Variants in COBLL1 observed in about 807,000 individuals in gnomAD.
The protein encoded by COBLL1 is cordon-bleu WH2 repeat protein like 1, also known as cordon-bleu protein-like 1.
Under a neutral mutation model 94.8 loss-of-function variants are expected in COBLL1, and 50 were observed. The observed-to-expected ratio is 0.53, with a 90% confidence interval of 0.42 to 0.67. The LOEUF (loss-of-function observed/expected upper bound fraction) is 0.67. COBLL1 is among the 30% of genes least tolerant of loss of function. The pLI, the probability that COBLL1 is intolerant of heterozygous loss-of-function variation, is 0.00. For missense variants in COBLL1, 1,362 were observed against 1,348.7 expected (o/e 1.01, Z -0.15); for synonymous variants, 448 against 473.8 (o/e 0.95, Z 0.71).
chr2:164,837,482 T>A (rs1475650024), intron 2 of COBLL1: 1 of 464,050 alleles, frequency 2.2e-6, no homozygotes, highest in Non-Finnish European at 4.5e-6. Context: ...AACCAGTGTC[T>A]CCAACATTTT....
intron 2 of COBLL1, among the ~76,000 whole-genome samples, chr2:164,811,288 G>T (rs1234377913): frequency 6.6e-6 from 1 of 151,896 alleles, no homozygotes; most frequent in African/African-American, 2.4e-5. Context: ...ATGGTGTTTG[G>T]AATTGTTCTA....
intron 11 of COBLL1, 135 bp from the exon 12 acceptor site, chr2:164,695,971 G>A: frequency 1.5e-6 from 1 of 686,948 alleles, no homozygotes; most frequent in East Asian, 2.8e-5. Context: ...ACTATATAAA[G>A]GTAGGTAGTA....
chr2:164,837,599 C>A (rs550569181), intron 2 of COBLL1: 7 of 400,064 alleles, frequency 1.7e-5, no homozygotes, highest in Non-Finnish European at 3.5e-5. Flanking sequence ...GTAAGTTAAA[C>A]CAGTCAACTT....
At chr2:164,745,172 A>G (rs1686802684) in intron 2 of COBLL1, among the ~76,000 whole-genome samples, 1 of 152,176 alleles carries the variant, frequency 6.6e-6, no homozygotes, top group Non-Finnish European at 1.5e-5. Flanking sequence ...CGGTATTTTC[A>G]AAATTTAAGG....
chr2:164,721,294 T>C (rs1685430332), intron 7 of COBLL1, among the ~76,000 whole-genome samples: 1 of 152,190 alleles, frequency 6.6e-6, no homozygotes, highest in Admixed American at 6.5e-5. Flanking sequence ...TCATTCTTTC[T>C]GATTACCAGC....
rs1683903346 is a variant in COBLL1 at position 164,695,664 on chromosome 2, G to A, written c.1728C>T (p.Tyr576=). The A allele has an allele frequency of 6.2e-7, 1 of 1,613,798 alleles. No homozygotes were observed. ...ATGAAGCTGCTAGATGGTTTTCCTT[G>A]TAACTTATAGCAGTATCAGTTTCAT... is the stretch of plus-strand genomic sequence containing the variant. ...EAHETDTAIS[Y]KENHLAASSV... is the part of the protein sequence containing the mutation. Residue 576 remains tyrosine (Y), a synonymous_variant, in exon 12 of 14, where the codon TAC becomes TAT. Coordinates refer to ENST00000652658, the MANE Select transcript of COBLL1 (RefSeq NM_001365672.2).
At position 164,695,078 on chromosome 2, in the gene COBLL1, T is replaced by A; in HGVS notation, c.2314A>T (p.Asn772Tyr). ...HALGKKHTHE[N>Y]VKETAIQTED... ...GTTTGGATGGCAGTTTCTTTCACATTCTCATGAGTGTGCTTTTTCCCTAAA... is the reference window on the plus strand; with the variant it reads ...GTTTGGATGGCAGTTTCTTTCACATACTCATGAGTGTGCTTTTTCCCTAAA... The change falls in exon 12 of 14, where the codon AAT becomes TAT. Residue 772 changes from asparagine (N) to tyrosine (Y), a missense_variant. Physicochemically the swap from Asn to Tyr is moderately radical, Grantham distance 143. Coordinates refer to ENST00000652658, the MANE Select transcript of COBLL1 (RefSeq NM_001365672.2). The A allele has an allele frequency of 6.2e-7, 1 of 1,613,896 alleles. No homozygotes were observed. The highest frequency in any genetic ancestry group is 2.2e-5 in the East Asian group (1 of 44,868).
intron 3 of COBLL1, among the ~76,000 whole-genome samples, chr2:164,733,093 T>C (rs1686105934): frequency 6.6e-6 from 1 of 152,292 alleles, no homozygotes; most frequent in South Asian, 2.1e-4. Context: ...CAAAAAATTA[T>C]TAAAGTTTTG....
chr2:164,742,269 A>G (rs1327651426), intron 3 of COBLL1, among the ~76,000 whole-genome samples: 1 of 152,140 alleles, frequency 6.6e-6, no homozygotes, highest in Admixed American at 6.5e-5. Flanking sequence ...TTACATCCCT[A>G]AGAAGAAATT....
chr2:164,768,316 C>T (rs1276337507), intron 2 of COBLL1, among the ~76,000 whole-genome samples: 7 of 152,082 alleles, frequency 4.6e-5, no homozygotes, highest in African/African-American at 1.7e-4. Flanking sequence ...ATAATCTAAG[C>T]CAAGCTTGTC....
Position 164,684,015 on chromosome 2 carries a change from T to C in COBLL1, c.*1931A>G, listed in dbSNP as rs1281135988. 6.6e-6 allele frequency: 1 copy of C among 152,172 alleles called. No homozygotes were observed. Among genetic ancestry groups the C allele is most frequent in the Non-Finnish European group, 1.5e-5 (1 of 68,014 alleles). The allele number at this position is 152,172 out of a possible 1,614,324, so 9.4% of individuals were successfully genotyped here. A position where few individuals can be genotyped will look rare whatever the true frequency, so the allele number is the denominator to read the frequency against. On this transcript the variant is annotated 3_prime_UTR_variant, in exon 14 of 14. Transcript: ENST00000652658. Reference sequence around the variant, plus strand: ...TACTAGATATTGCAGAACTGGTAGTTATGCCAGTGTATTTTCCCACCAACA... The same window carrying C: ...TACTAGATATTGCAGAACTGGTAGTCATGCCAGTGTATTTTCCCACCAACA...
intron 2 of COBLL1, among the ~76,000 whole-genome samples, chr2:164,790,949 T>C (rs1198678962): frequency 6.6e-6 from 1 of 152,210 alleles, no homozygotes; most frequent in African/African-American, 2.4e-5. Flanking sequence ...ACTTGAAATA[T>C]CATATTATAA....
At chr2:164,790,115 G>T (rs191625680) in intron 2 of COBLL1, among the ~76,000 whole-genome samples, 162 of 152,170 alleles carry the variant, frequency 1.1e-3, no homozygotes, top group African/African-American at 3.6e-3. Flanking sequence ...CACTGGGTGG[G>T]GCCACCATCT....
At chr2:164,699,812 A>G (rs992928422) in intron 10 of COBLL1, among the ~76,000 whole-genome samples, 4 of 152,116 alleles carry the variant, frequency 2.6e-5, no homozygotes, top group African/African-American at 7.2e-5. Context: ...CCTTTTAAAG[A>G]AAAAGGAAAT....
At position 164,801,438 on chromosome 2, in the gene COBLL1, C is replaced by CAAAAAAAA. The variant is rs143505097; in HGVS notation, c.41+39710_41+39717dup. Among the ~76,000 whole-genome samples, 37 of 28,206 alleles carry CAAAAAAAA rather than the reference C, an allele frequency of 1.3e-3. 8 individuals are homozygous for CAAAAAAAA. The highest frequency in any genetic ancestry group is 4.0e-3 in the African/African-American group (32 of 7,996). The allele number at this position is 28,206 out of a possible 152,430, so 18.5% of individuals were successfully genotyped here. ...TGGGCGACAGAGCGAGACTCCGTCTCAAAAAAAAAAAAAAAAAAAAAAAAA... is the reference window on the plus strand; with the variant it reads ...TGGGCGACAGAGCGAGACTCCGTCTCAAAAAAAAAAAAAAAAAAAAAAAAAAAAAAAAA... On this transcript the variant is annotated intron_variant, in intron 2 of 13. Coordinates refer to ENST00000652658, the MANE Select transcript of COBLL1 (RefSeq NM_001365672.2).
chr2:164,730,696 G>A (rs2105522066), intron 3 of COBLL1, among the ~76,000 whole-genome samples: 1 of 152,236 alleles, frequency 6.6e-6, no homozygotes, highest in Middle Eastern at 3.4e-3. Context: ...TAAATTTCAG[G>A]AGGAGGAGTC....
intron 2 of COBLL1, among the ~76,000 whole-genome samples, chr2:164,778,427 CA>C (rs1688576925): frequency 6.6e-6 from 1 of 152,048 alleles, no homozygotes; most frequent in African/African-American, 2.4e-5. Context: ...GCCAACATGT[CA>C]AAACCATGTC....
At chr2:164,778,760 G>A (rs1360151830) in intron 2 of COBLL1, among the ~76,000 whole-genome samples, 2 of 152,134 alleles carry the variant, frequency 1.3e-5, no homozygotes, top group Non-Finnish European at 2.9e-5. Flanking sequence ...GGGACAAGCA[G>A]ACCAATTAAA....
intron 7 of COBLL1, among the ~76,000 whole-genome samples, chr2:164,718,818 G>T (rs1013356473): frequency 1.3e-5 from 2 of 152,120 alleles, no homozygotes; most frequent in African/African-American, 4.8e-5. Context: ...GATGGAAGTG[G>T]GGCCATTCCA....
Sources: allele counts gnomAD v4.1 joint callset (sites outside exome capture counted in the v4.1 genomes callset), GRCh38; gene constraint gnomAD v4.1.1; transcripts MANE v1.5; gene names NCBI Gene and HGNC (gene_info 2026-07-23, HGNC 2026-07-21).